CAV2: variants seen among roughly 807,000 people sequenced by gnomAD.
CAV2 encodes the protein caveolin 2.
Under a neutral mutation model 15.5 loss-of-function variants are expected in CAV2, and 7 were observed. The ratio of observed to expected loss-of-function variants is 0.45; its 90% CI spans 0.26 to 0.85. The LOEUF (loss-of-function observed/expected upper bound fraction) is 0.85, where lower values mean the gene tolerates loss of function less well. CAV2 is among the 40% of genes least tolerant of loss of function. The pLI is 0.18. For missense variants in CAV2, 229 were observed against 208.8 expected, an observed-to-expected ratio of 1.10 and a Z score of -0.60; for synonymous variants, 76 against 83.1, an observed-to-expected ratio of 0.91 and a Z score of 0.46.
Position 116,506,897 on chromosome 7 carries a change from T to G in CAV2, c.*776T>G, listed in dbSNP as rs921470220. 2 of 152,236 alleles carry G rather than the reference T, an allele frequency of 1.3e-5. No individual in the cohort carries two copies. Among genetic ancestry groups the G allele is most frequent in the Non-Finnish European group, 2.9e-5 (2 of 68,020 alleles). 9.4% of individuals were successfully genotyped at this position (152,236 alleles called of 1,614,324 possible). A position where few individuals can be genotyped will look rare whatever the true frequency, so the allele number is the denominator to read the frequency against. On this transcript the variant is annotated 3_prime_UTR_variant, in exon 3 of 3. Transcript: ENST00000222693. ...GCACTGTTCTGATTATGTAAGCATTTGTACATCTTCTTTGGAAATAAAAGA... is the reference window on the plus strand; with the variant it reads ...GCACTGTTCTGATTATGTAAGCATTGGTACATCTTCTTTGGAAATAAAAGA...
In CAV2 at chr7:116,506,242, G is replaced by T; in HGVS notation, c.*121G>T. 1.1e-6 allele frequency: 1 copy of T among 881,050 alleles called. No homozygotes were observed. The allele number at this position is 881,050 out of a possible 1,614,324, so 54.6% of individuals were successfully genotyped here. ...CTAATTAAGAAAACTATTAAGATGA[G>T]CAACCACATTTAGAAATGTTTATTG... On this transcript the variant is annotated 3_prime_UTR_variant, in exon 3 of 3. Coordinates refer to ENST00000222693, the MANE Select transcript of CAV2 (RefSeq NM_001233.5).
At chr7:116,504,447 C>T (rs1293351754) in intron 2 of CAV2, among the ~76,000 whole-genome samples, 2 of 152,122 alleles carry the variant, frequency 1.3e-5, no homozygotes, top group Admixed American at 6.5e-5. Context: ...AAAAGTGTTT[C>T]ATGTATTTAG....
rs574529571 is a variant in CAV2 at position 116,503,648 on chromosome 7, G to A, written c.339-2323G>A. On this transcript the variant is annotated intron_variant, in intron 2 of 2. Coordinates refer to ENST00000222693, the MANE Select transcript of CAV2 (RefSeq NM_001233.5). ...GTTCAAGAACAGCCTGGCCAACATG[G>A]TGAAACTCTGTCTCTACTAAAAATA... 5.9e-5 allele frequency among the ~76,000 whole-genome samples: 9 copies of A among 152,134 alleles called. No individual in the cohort carries two copies. In the South Asian group the frequency reaches 1.7e-3, roughly 28 times the overall value.
intron 2 of CAV2, 58 bp from the exon 3 acceptor site, chr7:116,505,913 G>A (rs1793223879): frequency 2.4e-6 from 3 of 1,243,546 alleles, no homozygotes; most frequent in South Asian, 2.6e-5. Context: ...ACATGTACAA[G>A]ACAGACCTTA....
At chr7:116,504,467 T>TA (rs1412869281) in intron 2 of CAV2, among the ~76,000 whole-genome samples, 7 of 152,320 alleles carry the variant, frequency 4.6e-5, no homozygotes, top group African/African-American at 1.7e-4. Flanking sequence ...GCACTTGAAA[T>TA]AAAACACAAT....
rs188438550 is a variant in CAV2, at chr7:116,501,529, G to T, written c.338+1082G>T. On this transcript the variant is annotated intron_variant, in intron 2 of 2. Transcript: ENST00000222693. ...CTTAATTTATTTAGTCAGTTAGCTA[G>T]CTAGTTAGTTCAACAAACTTTAAAT... Among the ~76,000 whole-genome samples, 226 of 152,296 alleles carry T rather than the reference G, an allele frequency of 1.5e-3. 1 individual carries two copies. The highest frequency in any genetic ancestry group is 2.5e-3 in the Admixed American group (39 of 15,304).
chr7:116,508,053 C>T lies in CAV2; in HGVS notation c.*1932C>T, dbSNP rs183167634. The T allele has an allele frequency of 8.5e-5, 13 of 152,204 alleles. No homozygotes were observed. Among genetic ancestry groups the T allele is most frequent in the South Asian group, 6.2e-4 (3 of 4,818 alleles). The allele number at this position is 152,204 out of a possible 1,614,324, so 9.4% of individuals were successfully genotyped here. The stretch of plus-strand genomic sequence containing the variant: ...GCCATTGCAGCATCCTTAGATGGGA[C>T]GCATAATCATTACCTTAAAGCATCA... On this transcript the variant is annotated 3_prime_UTR_variant, in exon 3 of 3. Transcript: ENST00000222693.
In CAV2 at chr7:116,505,968, C is replaced by G; in HGVS notation, c.339-3C>G. ...CTCACACATCTCTCTTCCTTCCTTC[C>G]AGGATTTTAATGCCTTTTGTAAAGA... On this transcript the variant is annotated splice_region_variant and splice_polypyrimidine_tract_variant and intron_variant, in intron 2 of 2. Coordinates refer to ENST00000222693, the MANE Select transcript of CAV2 (RefSeq NM_001233.5). The G allele has an allele frequency of 6.2e-7, 1 of 1,608,494 alleles. No homozygotes were observed. Among genetic ancestry groups the G allele is most frequent in the Non-Finnish European group, 8.5e-7 (1 of 1,175,598 alleles).
Position 116,504,473 on chromosome 7 carries a change from A to G in CAV2, c.339-1498A>G, listed in dbSNP as rs1292056725. Among the ~76,000 whole-genome samples, 3 of 152,390 alleles carry G rather than the reference A, an allele frequency of 2.0e-5. No homozygotes were observed. In the East Asian group the frequency reaches 5.8e-4, roughly 29 times the overall value. On this transcript the variant is annotated intron_variant, in intron 2 of 2. Coordinates refer to ENST00000222693, the MANE Select transcript of CAV2 (RefSeq NM_001233.5). ...ATGTATTTAGCACTTGAAATAAAAC[A>G]CAATTTGTGGAGACAGTCAATGTGA... is the stretch of plus-strand genomic sequence containing the variant.
chr7:116,505,878 A>G, intron 2 of CAV2, 93 bp from the exon 3 acceptor site: 1 of 737,652 alleles, frequency 1.4e-6, no homozygotes, highest in Non-Finnish European at 2.2e-6. Flanking sequence ...ATTTAAGTAA[A>G]TGGGTCAGTA....
At chr7:116,505,264 C>A (rs1793205846) in intron 2 of CAV2, among the ~76,000 whole-genome samples, 1 of 152,122 alleles carries the variant, frequency 6.6e-6, no homozygotes, top group African/African-American at 2.4e-5. Context: ...TGTTAACTGG[C>A]AGAGACCAGG....
chr7:116,501,987 C>T (rs1793116360), intron 2 of CAV2, among the ~76,000 whole-genome samples: 1 of 151,904 alleles, frequency 6.6e-6, no homozygotes, highest in Non-Finnish European at 1.5e-5. Context: ...TTTGGGATTC[C>T]CAATTAACTA....
rs545479671 is a variant in CAV2 at position 116,507,310 on chromosome 7, G to C, written c.*1189G>C. On this transcript the variant is annotated 3_prime_UTR_variant, in exon 3 of 3. Coordinates refer to ENST00000222693, the MANE Select transcript of CAV2 (RefSeq NM_001233.5). ...ATATTGGTATGTAACACAGGATAAA[G>C]TTATTCTTGTCATTTTGAACTGTAG... 6.6e-6 allele frequency: 1 copy of C among 152,280 alleles called. No individual in the cohort carries two copies. Among genetic ancestry groups the C allele is most frequent in the African/African-American group, 2.4e-5 (1 of 41,562 alleles). 9.4% of individuals were successfully genotyped at this position (152,280 alleles called of 1,614,324 possible). A position where few individuals can be genotyped will look rare whatever the true frequency, so the allele number is the denominator to read the frequency against.
Position 116,504,284 on chromosome 7 carries a change from T to G in CAV2, c.339-1687T>G, listed in dbSNP as rs184098908. 9.1e-4 allele frequency among the ~76,000 whole-genome samples: 139 copies of G among 152,232 alleles called. 1 individual carries two copies. The highest frequency in any genetic ancestry group is 3.2e-3 in the African/African-American group (134 of 41,544). On this transcript the variant is annotated intron_variant, in intron 2 of 2. Transcript: ENST00000222693. Reference sequence around the variant, plus strand: ...AATCCTCATAGCCAGTTCTGAGAGATCTCCTGGTGTCACTTTAATTTGTAG... The same window carrying G: ...AATCCTCATAGCCAGTTCTGAGAGAGCTCCTGGTGTCACTTTAATTTGTAG...
At position 116,508,314 on chromosome 7, in the gene CAV2, GT is replaced by G. The variant is rs1035212998; in HGVS notation, c.*2196del. 2.6e-5 allele frequency: 4 copies of G among 151,914 alleles called. No individual in the cohort carries two copies. Among genetic ancestry groups the G allele is most frequent in the Non-Finnish European group, 5.9e-5 (4 of 67,976 alleles). The allele number at this position is 151,914 out of a possible 1,614,324, so 9.4% of individuals were successfully genotyped here. ...ATACACATAGTTCTGTAATAAAACT[GT>G]TTGACTTCTCAAGTAACATGACTTC... On this transcript the variant is annotated 3_prime_UTR_variant, in exon 3 of 3. Transcript: ENST00000222693.
chr7:116,500,588 A>T (rs780273785), intron 2 of CAV2, 141 bp downstream of exon 2: 1 of 695,620 alleles, frequency 1.4e-6, no homozygotes, highest in Non-Finnish European at 2.4e-6. Context: ...GAAGAACTGG[A>T]AGGCCTTGAA....
intron 2 of CAV2, among the ~76,000 whole-genome samples, chr7:116,501,742 A>G (rs2116120849): frequency 6.6e-6 from 1 of 152,318 alleles, no homozygotes; most frequent in African/African-American, 2.4e-5. Context: ...GTCGAAAAAG[A>G]CTTTGAAAGG....
intron 1 of CAV2, 49 bp from the exon 2 acceptor site, chr7:116,500,211 G>A: frequency 1.3e-6 from 2 of 1,583,178 alleles, no homozygotes; most frequent in Non-Finnish European, 1.7e-6. Context: ...CGGTTCCCGG[G>A]GCGTCAGGTT....
chr7:116,503,919 AAGGAAGGGAGGG>A (rs1793165543), intron 2 of CAV2, among the ~76,000 whole-genome samples: 6 of 67,920 alleles, frequency 8.8e-5, no homozygotes, highest in African/African-American at 2.9e-4. Context: ...GGGAGGAAGG[AAGGAAGGGAGGG>A]AGGGAGGGAG....
Sources: gnomAD v4.1 joint callset for allele counts (sites outside exome capture counted in the v4.1 genomes callset) on GRCh38, gnomAD v4.1.1 for gene constraint, MANE v1.5 for transcripts, NCBI Gene and HGNC (gene_info 2026-07-23, HGNC 2026-07-21) for gene names.